The following PRTG variants were observed in gnomAD, a reference collection of about 807,000 sequenced individuals.
PRTG encodes the protein immunoglobulin superfamily, DCC subclass, member 5.
In PRTG, 67 loss-of-function variants were observed where a neutral mutation model predicts 122.5. That is an observed-to-expected ratio of 0.55 (90% CI 0.45 to 0.67). PRTG has a LOEUF of 0.67. Among genes scored for constraint, PRTG ranks in the 30% least tolerant of loss-of-function variants. PRTG has a pLI of 0.00. For missense variants in PRTG, 1,435 were observed against 1,415.4 expected (o/e 1.01, Z -0.22); for synonymous variants, 554 against 501.1 (o/e 1.11, Z -1.41).
At chr15:55,676,629 T>C (rs1051624824) in intron 8 of PRTG, among the ~76,000 whole-genome samples, 1 of 152,196 alleles carries the variant, frequency 6.6e-6, no homozygotes, top group Admixed American at 6.6e-5. Context: ...AATTAGGAGC[T>C]GCATAGTACG....
At chr15:55,640,772 G>A (rs1051042098) in intron 12 of PRTG, among the ~76,000 whole-genome samples, 23 of 151,950 alleles carry the variant, frequency 1.5e-4, no homozygotes, top group Non-Finnish European at 2.9e-4. Flanking sequence ...CACTTTGGGA[G>A]GCCAAGGCGG....
intron 2 of PRTG, among the ~76,000 whole-genome samples, chr15:55,739,596 A>G (rs2031545960): frequency 6.6e-6 from 1 of 152,202 alleles, no homozygotes; most frequent in Non-Finnish European, 1.5e-5. Flanking sequence ...TCATCACCTG[A>G]AAAAGATGTA....
At chr15:55,636,812 A>C (rs527799078) in intron 15 of PRTG, among the ~76,000 whole-genome samples, 24 of 152,138 alleles carry the variant, frequency 1.6e-4, no homozygotes, top group African/African-American at 5.5e-4. Context: ...ACACCCAGCT[A>C]ATTTTTGTAT....
chr15:55,652,332 G>A (rs913997629), intron 11 of PRTG, among the ~76,000 whole-genome samples: 4 of 152,120 alleles, frequency 2.6e-5, no homozygotes, highest in African/African-American at 9.7e-5. Flanking sequence ...GGTAGGAAAT[G>A]ATCAGAATAA....
At chr15:55,669,532 A>C (rs2059456709) in intron 11 of PRTG, among the ~76,000 whole-genome samples, 1 of 152,200 alleles carries the variant, frequency 6.6e-6, no homozygotes, top group African/African-American at 2.4e-5. Context: ...AGTAAGAAGG[A>C]AAGGATAGCT....
chr15:55,622,999 A>ATTG, intron 18 of PRTG, among the ~76,000 whole-genome samples: 1 of 152,356 alleles, frequency 6.6e-6, no homozygotes. Flanking sequence ...ATATTTACCT[A>ATTG]TAATATGTAT....
At chr15:55,657,943 A>G (rs924681146) in intron 11 of PRTG, among the ~76,000 whole-genome samples, 3 of 152,360 alleles carry the variant, frequency 2.0e-5, no homozygotes, top group Middle Eastern at 3.4e-3. Context: ...TCTTAATACC[A>G]TCACACGGAG....
At chr15:55,654,040 G>A (rs1045193249) in intron 11 of PRTG, among the ~76,000 whole-genome samples, 3 of 152,176 alleles carry the variant, frequency 2.0e-5, no homozygotes, top group African/African-American at 7.2e-5. Context: ...AAGTGAATCT[G>A]ATTTACATTC....
intron 9 of PRTG, among the ~76,000 whole-genome samples, chr15:55,675,060 T>C (rs2059494708): frequency 6.6e-6 from 1 of 152,118 alleles, no homozygotes; most frequent in African/African-American, 2.4e-5. Context: ...ATTTTCCCCC[T>C]TAAGTAGTAT....
intron 2 of PRTG, 125 bp from the exon 3 acceptor site, chr15:55,684,056 C>T: frequency 1.5e-6 from 1 of 650,408 alleles, no homozygotes; most frequent in Non-Finnish European, 2.4e-6. Flanking sequence ...CCTAACTTAA[C>T]CAGCATGAAG....
chr15:55,738,051 C>CCA (rs1298773955), intron 2 of PRTG, among the ~76,000 whole-genome samples: 233 of 81,880 alleles, frequency 2.8e-3, no homozygotes, highest in Non-Finnish European at 5.1e-3. Flanking sequence ...CACACACACA[C>CCA]CACACACACT....
At chr15:55,656,588 A>G (rs2059381487) in intron 11 of PRTG, among the ~76,000 whole-genome samples, 1 of 152,140 alleles carries the variant, frequency 6.6e-6, no homozygotes, top group South Asian at 2.1e-4. Context: ...GCTCACAGCA[A>G]GCTCTGCCTC....
At chr15:55,727,661 T>C (rs2031082045) in intron 2 of PRTG, among the ~76,000 whole-genome samples, 1 of 152,016 alleles carries the variant, frequency 6.6e-6, no homozygotes, top group Non-Finnish European at 1.5e-5. Flanking sequence ...CAGGGCGTGG[T>C]GGCATACACC....
chr15:55,669,480 G>C (rs2059456455), intron 11 of PRTG, among the ~76,000 whole-genome samples: 1 of 152,184 alleles, frequency 6.6e-6, no homozygotes, highest in South Asian at 2.1e-4. Context: ...CAGATGGTCA[G>C]TTGTCCAGTT....
intron 4 of PRTG, among the ~76,000 whole-genome samples, chr15:55,681,953 T>C (rs2059540912): frequency 6.6e-6 from 1 of 152,102 alleles, no homozygotes. Context: ...ACACAAATTT[T>C]AAAATATAGT....
intron 11 of PRTG, among the ~76,000 whole-genome samples, chr15:55,652,612 T>C (rs2059359021): frequency 6.6e-6 from 1 of 151,824 alleles, no homozygotes. Context: ...GCCTCTGACA[T>C]AGAATCTGGG....
intron 17 of PRTG, among the ~76,000 whole-genome samples, chr15:55,626,444 A>G (rs2059195266): frequency 6.7e-6 from 1 of 149,296 alleles, no homozygotes; most frequent in Non-Finnish European, 1.5e-5. Flanking sequence ...CTCATTTAAG[A>G]ATATTGGCAT....
intron 1 of PRTG, chr15:55,742,123 C>G (rs1305788058): frequency 6.6e-6 from 1 of 152,204 alleles, no homozygotes; most frequent in Non-Finnish European, 1.5e-5. Flanking sequence ...TCAGGCCCTG[C>G]CCCCAAATAC....
At chr15:55,623,752 C>T (rs901167076) in intron 18 of PRTG, among the ~76,000 whole-genome samples, 8 of 152,150 alleles carry the variant, frequency 5.3e-5, no homozygotes, top group Non-Finnish European at 1.0e-4. Context: ...TTATTGTTCA[C>T]AATGCTTACA....
Sources: allele counts gnomAD v4.1 joint callset (sites outside exome capture counted in the v4.1 genomes callset), GRCh38; gene constraint gnomAD v4.1.1; transcripts MANE v1.5; gene names NCBI Gene and HGNC (gene_info 2026-07-23, HGNC 2026-07-21).